Variants in CPEB1 observed in about 807,000 individuals in gnomAD.
The protein encoded by CPEB1 is cytoplasmic polyadenylation element-binding protein 1.
CPEB1 carries 7 observed loss-of-function variants against 65.8 expected under a neutral mutation model. The observed-to-expected ratio is 0.11, with a 90% CI of 0.06 to 0.20. The LOEUF (loss-of-function observed/expected upper bound fraction) is 0.20. Among genes scored for constraint, CPEB1 ranks in the 10% least tolerant of loss-of-function variants. The pLI, the probability that CPEB1 is intolerant of heterozygous loss-of-function variation, is 1.00. For missense variants in CPEB1, 551 were observed against 712.2 expected (o/e 0.77, Z 2.58); for synonymous variants, 262 against 260.0 (o/e 1.01, Z -0.08).
chr15:82,565,411 G>A (rs181065880), intron 4 of CPEB1, among the ~76,000 whole-genome samples: 59 of 152,304 alleles, frequency 3.9e-4, no homozygotes, highest in Non-Finnish European at 6.0e-4. Context: ...TGCTGAGTAC[G>A]CAGCACCGAT....
At chr15:82,552,039 A>G (rs2036349370) in intron 9 of CPEB1, among the ~76,000 whole-genome samples, 1 of 152,212 alleles carries the variant, frequency 6.6e-6, no homozygotes, top group African/African-American at 2.4e-5. Context: ...GGTGTGGGCT[A>G]AAGAGGAATT....
intron 3 of CPEB1, among the ~76,000 whole-genome samples, chr15:82,606,912 C>A (rs1052152809): frequency 6.6e-6 from 1 of 151,520 alleles, no homozygotes; most frequent in Non-Finnish European, 1.5e-5. Flanking sequence ...GTGGGAAGAT[C>A]ACTTAAGGCC....
chr15:82,608,197 T>C (rs1487795031), intron 3 of CPEB1, among the ~76,000 whole-genome samples: 1 of 152,262 alleles, frequency 6.6e-6, no homozygotes, highest in Admixed American at 6.5e-5. Flanking sequence ...TAAGCTTTTT[T>C]GGTTAGCCTG....
intron 4 of CPEB1, among the ~76,000 whole-genome samples, chr15:82,564,470 T>C (rs897850047): frequency 1.3e-5 from 2 of 151,742 alleles, no homozygotes; most frequent in African/African-American, 4.9e-5. Flanking sequence ...TGTGTGTGTG[T>C]TTTTAGCAGA....
intron 3 of CPEB1, among the ~76,000 whole-genome samples, chr15:82,624,453 G>T (rs1054967531): frequency 7.2e-5 from 11 of 152,044 alleles, no homozygotes. Flanking sequence ...CACTGCCCAG[G>T]GTCAAGCTTA....
At chr15:82,635,654 G>A (rs1376318877) in intron 1 of CPEB1, among the ~76,000 whole-genome samples, 2 of 151,680 alleles carry the variant, frequency 1.3e-5, no homozygotes, top group African/African-American at 4.9e-5. Flanking sequence ...TTACAGATAT[G>A]TATATATAAA....
At chr15:82,575,537 A>G (rs1426516315) in intron 3 of CPEB1, among the ~76,000 whole-genome samples, 1 of 152,230 alleles carries the variant, frequency 6.6e-6, no homozygotes, top group Admixed American at 6.5e-5. Context: ...CGCAAGCCAC[A>G]ATATGTGAGA....
At chr15:82,562,459 C>T (rs2038389565) in intron 4 of CPEB1, 2 of 194,470 alleles carry the variant, frequency 1.0e-5, no homozygotes, top group Admixed American at 5.9e-5. Flanking sequence ...TCCATACAAA[C>T]CCGAGGCTTG....
At chr15:82,577,828 T>G (rs2040827047) in intron 3 of CPEB1, among the ~76,000 whole-genome samples, 1 of 152,010 alleles carries the variant, frequency 6.6e-6, no homozygotes, top group South Asian at 2.1e-4. Flanking sequence ...CAGCCTCATC[T>G]GAAAAATATA....
chr15:82,584,084 C>T, intron 3 of CPEB1, among the ~76,000 whole-genome samples: 1 of 150,934 alleles, frequency 6.6e-6, no homozygotes, highest in Non-Finnish European at 1.5e-5. Context: ...AATGTGAAAC[C>T]CAGTCTCTAT....
At chr15:82,556,184 C>A in intron 5 of CPEB1, 62 bp from the exon 6 acceptor site, 1 of 1,469,748 alleles carries the variant, frequency 6.8e-7, no homozygotes. Flanking sequence ...GTAATAATCA[C>A]ATTATAGAAA....
intron 2 of CPEB1, 60 bp from the exon 3 acceptor site, chr15:82,627,427 C>A: frequency 7.8e-7 from 1 of 1,284,176 alleles, no homozygotes; most frequent in African/African-American, 1.5e-5. Flanking sequence ...CCCCCTTTCT[C>A]TCCACATTAC....
chr15:82,642,466 A>C (rs1260665940), intron 1 of CPEB1, among the ~76,000 whole-genome samples: 2 of 152,164 alleles, frequency 1.3e-5, no homozygotes, highest in Admixed American at 1.3e-4. Flanking sequence ...AGGATCCCTT[A>C]AGCCAGGGAG....
At chr15:82,562,579 C>T (rs771526115) in intron 4 of CPEB1, among the ~76,000 whole-genome samples, 1 of 152,116 alleles carries the variant, frequency 6.6e-6, no homozygotes, top group Admixed American at 6.6e-5. Flanking sequence ...GTGGTTCACG[C>T]CTGTAATACC....
At chr15:82,589,166 T>C (rs968728185) in intron 3 of CPEB1, among the ~76,000 whole-genome samples, 1 of 152,222 alleles carries the variant, frequency 6.6e-6, no homozygotes, top group African/African-American at 2.4e-5. Context: ...TGCTTTACCA[T>C]TCAACACTTC....
chr15:82,547,664 G>C (rs755286209), intron 10 of CPEB1, among the ~76,000 whole-genome samples: 1 of 148,614 alleles, frequency 6.7e-6, no homozygotes, highest in Admixed American at 6.7e-5. Flanking sequence ...TATAATGTGA[G>C]CTACTATGTA....
chr15:82,605,264 T>C lies in CPEB1; in HGVS notation c.271+21929A>G, dbSNP rs2043461306. ...CTTTCCCAGTGAAGTGAAAGAATGC[T>C]AGACAGTTACTTTAATCCACATGAA... is the stretch of plus-strand genomic sequence containing the variant. On this transcript the variant is annotated intron_variant, in intron 3 of 12. Coordinates refer to ENST00000684509, the MANE Select transcript of CPEB1 (RefSeq NM_001365242.1). 1.3e-5 allele frequency among the ~76,000 whole-genome samples: 2 copies of C among 152,174 alleles called. 1 individual carries two copies. Among genetic ancestry groups the C allele is most frequent in the Admixed American group, 1.3e-4 (2 of 15,280 alleles).
At chr15:82,639,020 C>T (rs958916336) in intron 1 of CPEB1, among the ~76,000 whole-genome samples, 1 of 152,176 alleles carries the variant, frequency 6.6e-6, no homozygotes, top group African/African-American at 2.4e-5. Flanking sequence ...AGAAATCAAC[C>T]ACGTCTTAGA....
At chr15:82,558,154 G>A (rs528660166) in intron 4 of CPEB1, among the ~76,000 whole-genome samples, 168 bp from the exon 5 acceptor site, 7 of 152,322 alleles carry the variant, frequency 4.6e-5, no homozygotes, top group African/African-American at 1.7e-4. Flanking sequence ...TCTGAGACCT[G>A]GCCGCAAGGG....
Sources: allele counts gnomAD v4.1 joint callset (sites outside exome capture counted in the v4.1 genomes callset), GRCh38; gene constraint gnomAD v4.1.1; transcripts MANE v1.5; gene names NCBI Gene and HGNC (gene_info 2026-07-23, HGNC 2026-07-21).